Variants in AUTS2 observed in about 807,000 individuals in gnomAD.
AUTS2 encodes activator of transcription and developmental regulator AUTS2, also known as autism susceptibility gene 2 protein.
In AUTS2, 17 loss-of-function variants were observed where a neutral mutation model predicts 112.4. The ratio of observed to expected loss-of-function variants is 0.15; its 90% confidence interval spans 0.10 to 0.23. The LOEUF is 0.23. Among genes scored for constraint, AUTS2 ranks in the 10% least tolerant of loss-of-function variants. AUTS2 has a pLI of 1.00. For missense variants in AUTS2, 1,510 were observed against 1,701.6 expected (o/e 0.89, Z 1.98); for synonymous variants, 751 against 702.7 (o/e 1.07, Z -1.09).
chr7:70,775,568 T>C (rs2041303796), intron 13 of AUTS2, among the ~76,000 whole-genome samples, 182 bp downstream of exon 13: 1 of 148,194 alleles, frequency 6.7e-6, no homozygotes, highest in African/African-American at 2.5e-5. Flanking sequence ...CTTTGACCGT[T>C]GGAGGCCATT....
chr7:70,415,643 A>T (rs534440046), intron 4 of AUTS2, among the ~76,000 whole-genome samples: 1 of 152,146 alleles, frequency 6.6e-6, no homozygotes, highest in African/African-American at 2.4e-5. Context: ...CCTCCACTTG[A>T]TAAGTTGTAA....
At chr7:70,373,255 GTGTAGGCAGCAGCATT>G (rs1792924960) in intron 4 of AUTS2, among the ~76,000 whole-genome samples, 1 of 152,000 alleles carries the variant, frequency 6.6e-6, no homozygotes, top group South Asian at 2.1e-4. Flanking sequence ...GTTTCTGCTG[GTGTAGGCAGCAGCATT>G]TGGGATTTCA....
rs116918968 is a variant in AUTS2 at position 69,758,573 on chromosome 7, T to C, written c.310-140713T>C. 4.0e-3 allele frequency among the ~76,000 whole-genome samples: 604 copies of C among 152,320 alleles called. 4 individuals are homozygous for C. The highest frequency in any genetic ancestry group is 7.7e-3 in the Non-Finnish European group (525 of 68,030). On this transcript the variant is annotated intron_variant, in intron 1 of 18. Coordinates refer to ENST00000342771, the MANE Select transcript of AUTS2 (RefSeq NM_015570.4). ...TTCAGTGAAAATGTATTGAAATGCATTTCACTGAAAGAAATGTTCACATTC... is the reference window on the plus strand; with the variant it reads ...TTCAGTGAAAATGTATTGAAATGCACTTCACTGAAAGAAATGTTCACATTC...
chr7:69,821,458 G>A (rs1344690317), intron 1 of AUTS2, among the ~76,000 whole-genome samples: 1 of 152,030 alleles, frequency 6.6e-6, no homozygotes, highest in South Asian at 2.1e-4. Flanking sequence ...ACGTGGGCAG[G>A]GACAAATAAG....
At chr7:69,940,848 A>G (rs1419653519) in intron 2 of AUTS2, among the ~76,000 whole-genome samples, 1 of 152,130 alleles carries the variant, frequency 6.6e-6, no homozygotes, top group Admixed American at 6.5e-5. Flanking sequence ...GGAGTTCTGG[A>G]TGTGGGAGAT....
chr7:70,066,215 A>G (rs1802484413), intron 2 of AUTS2, among the ~76,000 whole-genome samples: 1 of 152,216 alleles, frequency 6.6e-6, no homozygotes, highest in Non-Finnish European at 1.5e-5. Flanking sequence ...ACATTCCTAT[A>G]TGGCAATTGA....
intron 1 of AUTS2, among the ~76,000 whole-genome samples, chr7:69,757,175 A>G (rs1787977361): frequency 6.6e-6 from 1 of 152,150 alleles, no homozygotes; most frequent in Non-Finnish European, 1.5e-5. Flanking sequence ...TATAAGCACT[A>G]TTTTAAGTTC....
chr7:70,485,746 C>A (rs1797968417), intron 5 of AUTS2, among the ~76,000 whole-genome samples: 1 of 152,104 alleles, frequency 6.6e-6, no homozygotes, highest in Non-Finnish European at 1.5e-5. Context: ...CATTAGGGGA[C>A]CCCGTGTGTT....
At chr7:70,194,239 G>A (rs6651055) in intron 4 of AUTS2, among the ~76,000 whole-genome samples, 49,140 of 151,776 alleles carry the variant, frequency 0.32, 8,629 homozygotes, top group African/African-American at 0.47. Context: ...GTGAAACCCT[G>A]TCTCTACTAA....
intron 5 of AUTS2, among the ~76,000 whole-genome samples, chr7:70,518,125 A>G (rs1799492636): frequency 6.6e-6 from 1 of 152,244 alleles, no homozygotes; most frequent in African/African-American, 2.4e-5. Flanking sequence ...CAGAAACAGA[A>G]TGGCAAAGCC....
intron 5 of AUTS2, among the ~76,000 whole-genome samples, chr7:70,622,601 G>A (rs568165457): frequency 3.3e-5 from 5 of 152,214 alleles, no homozygotes; most frequent in South Asian, 2.1e-4. Flanking sequence ...TTAGCAATCC[G>A]AAGTTATATT....
At chr7:69,780,551 A>G (rs2129312853) in intron 1 of AUTS2, among the ~76,000 whole-genome samples, 2 of 152,334 alleles carry the variant, frequency 1.3e-5, no homozygotes, top group East Asian at 3.9e-4. Context: ...GAGGGCGGGT[A>G]AAGAAACCTG....
intron 2 of AUTS2, among the ~76,000 whole-genome samples, chr7:70,003,616 A>G (rs1409472305): frequency 8.3e-6 from 1 of 120,298 alleles, no homozygotes; most frequent in Non-Finnish European, 1.6e-5. Flanking sequence ...TGAATGTGTT[A>G]TATATGAGTA....
rs528243168 is a variant in AUTS2, at chr7:70,657,223, G to A, written c.691-41346G>A. On this transcript the variant is annotated intron_variant, in intron 5 of 18. Transcript: ENST00000342771. ...TGTGTGTAGCTGGGGTTAACCCGCCGTCTTAATGTCTGCCTACTCGGTTTT... is the reference window on the plus strand; with the variant it reads ...TGTGTGTAGCTGGGGTTAACCCGCCATCTTAATGTCTGCCTACTCGGTTTT... 7.3e-5 allele frequency among the ~76,000 whole-genome samples: 11 copies of A among 151,692 alleles called. No individual in the cohort carries two copies. The East Asian group carries it at 1.2e-3, about 16-fold the overall frequency.
chr7:70,416,979 T>C (rs1795013107), intron 4 of AUTS2, among the ~76,000 whole-genome samples: 1 of 152,180 alleles, frequency 6.6e-6, no homozygotes, highest in South Asian at 2.1e-4. Flanking sequence ...GCCTTGTGGC[T>C]TTTTAATAAT....
At chr7:69,775,312 G>T (rs1420778402) in intron 1 of AUTS2, among the ~76,000 whole-genome samples, 3 of 152,168 alleles carry the variant, frequency 2.0e-5, no homozygotes, top group Non-Finnish European at 2.9e-5. Flanking sequence ...CCAGGGCGTG[G>T]TGCTTTCTGT....
chr7:70,618,638 G>A (rs1017050324), intron 5 of AUTS2, among the ~76,000 whole-genome samples: 4 of 152,124 alleles, frequency 2.6e-5, no homozygotes, highest in Admixed American at 1.3e-4. Flanking sequence ...AAGCAGTGCC[G>A]TGGGTTAGGA....
At chr7:70,022,822 C>A (rs1017982940) in intron 2 of AUTS2, among the ~76,000 whole-genome samples, 2 of 151,672 alleles carry the variant, frequency 1.3e-5, no homozygotes, top group Non-Finnish European at 2.9e-5. Flanking sequence ...TACAGGCAAC[C>A]CTCTAACTCG....
intron 4 of AUTS2, among the ~76,000 whole-genome samples, chr7:70,313,505 A>G (rs745438509): frequency 1.2e-4 from 18 of 152,206 alleles, no homozygotes; most frequent in Non-Finnish European, 2.9e-5. Flanking sequence ...GGCACTGGTC[A>G]TTCAGTTGTT....
Sources: allele counts gnomAD v4.1 joint callset (sites outside exome capture counted in the v4.1 genomes callset), GRCh38; gene constraint gnomAD v4.1.1; transcripts MANE v1.5; gene names NCBI Gene and HGNC (gene_info 2026-07-23, HGNC 2026-07-21).